The following LGSN variants were observed in gnomAD, a reference collection of about 807,000 sequenced individuals.
LGSN encodes lengsin, lens protein with glutamine synthetase domain, also known as lengsin.
Under a neutral mutation model 19.5 loss-of-function variants are expected in LGSN, and 21 were observed. The ratio of observed to expected loss-of-function variants is 1.07; its 90% CI spans 0.76 to 1.55. LGSN has a LOEUF of 1.55. LGSN is among the 40% of genes most tolerant of loss of function. The pLI, the probability that LGSN is intolerant of heterozygous loss-of-function variation, is 0.00. For missense variants in LGSN, 673 were observed against 608.5 expected (o/e 1.11, Z -1.12); for synonymous variants, 257 against 215.6 (o/e 1.19, Z -1.68).
chr6:63,388,450 G>T, the LGSN span, among the ~76,000 whole-genome samples: 3 of 152,190 alleles, frequency 2.0e-5, no homozygotes, highest in African/African-American at 7.2e-5. Flanking sequence ...AGGTAACTAA[G>T]TTAAAATGAG....
At chr6:63,353,588 C>CAAA in the LGSN span, among the ~76,000 whole-genome samples, 58 of 74,116 alleles carry the variant, frequency 7.8e-4, no homozygotes, top group African/African-American at 1.8e-3. Context: ...CAGTTTGTAG[C>CAAA]AAAAAAAAAA....
the LGSN span, among the ~76,000 whole-genome samples, chr6:63,515,702 A>T: frequency 6.6e-6 from 1 of 152,332 alleles, no homozygotes; most frequent in African/African-American, 2.4e-5. Flanking sequence ...CTAGTCAGGC[A>T]TGAGAATGAT....
At chr6:63,332,910 C>A in the LGSN span, among the ~76,000 whole-genome samples, 6 of 151,924 alleles carry the variant, frequency 3.9e-5, no homozygotes, top group African/African-American at 1.2e-4. Flanking sequence ...AGCCACGGAC[C>A]CTCGCGGTGA....
chr6:63,410,983 G>T, the LGSN span, among the ~76,000 whole-genome samples: 1 of 152,064 alleles, frequency 6.6e-6, no homozygotes, highest in Non-Finnish European at 1.5e-5. Flanking sequence ...CTATTTCTTG[G>T]GGATATTTAG....
chr6:63,490,661 C>T, the LGSN span, among the ~76,000 whole-genome samples: 2 of 152,274 alleles, frequency 1.3e-5, no homozygotes, highest in Middle Eastern at 3.4e-3. Flanking sequence ...ACTGCAACCT[C>T]TGTCTCCCAG....
chr6:63,312,014 C>T (rs1167637271), intron 1 of LGSN, among the ~76,000 whole-genome samples: 1 of 152,170 alleles, frequency 6.6e-6, no homozygotes, highest in African/African-American at 2.4e-5. Flanking sequence ...TGGCTTATTT[C>T]ACTTAACATA....
chr6:63,412,752 AAAGAAAGAAAGAAAGAAAGGAAGG>A, the LGSN span, among the ~76,000 whole-genome samples: 3 of 94,912 alleles, frequency 3.2e-5, no homozygotes, highest in African/African-American at 2.1e-4. Context: ...AGAAAGAAAG[AAAGAAAGAAAGAAAGAAAGGAAGG>A]AAGGGAAGGA....
the LGSN span, among the ~76,000 whole-genome samples, chr6:63,371,656 T>C: frequency 6.6e-6 from 1 of 152,180 alleles, no homozygotes; most frequent in Non-Finnish European, 1.5e-5. Context: ...CATTTACCTA[T>C]AAATGAGAAC....
chr6:63,375,999 A>G, the LGSN span, among the ~76,000 whole-genome samples: 1 of 152,154 alleles, frequency 6.6e-6, no homozygotes, highest in African/African-American at 2.4e-5. Context: ...AATTTTCTTA[A>G]TGTCACAAAT....
the LGSN span, among the ~76,000 whole-genome samples, chr6:63,384,762 C>T: frequency 6.6e-6 from 1 of 152,266 alleles, no homozygotes; most frequent in South Asian, 2.1e-4. Flanking sequence ...CTCAGGTGAT[C>T]CCGCCTCAGC....
At chr6:63,499,290 A>G in the LGSN span, among the ~76,000 whole-genome samples, 1 of 152,116 alleles carries the variant, frequency 6.6e-6, no homozygotes, top group East Asian at 1.9e-4. Flanking sequence ...TAAAAGCTGA[A>G]CAGAGTGCAA....
chr6:63,392,851 T>C, the LGSN span, among the ~76,000 whole-genome samples: 1 of 151,732 alleles, frequency 6.6e-6, no homozygotes, highest in Admixed American at 6.6e-5. Context: ...GTGCCAATCA[T>C]GTTCAAGATG....
At chr6:63,368,212 TA>T in the LGSN span, among the ~76,000 whole-genome samples, 11 of 152,144 alleles carry the variant, frequency 7.2e-5, no homozygotes, top group African/African-American at 2.7e-4. Flanking sequence ...GCTCAGAGAC[TA>T]AAGTGCATCT....
At chr6:63,407,388 T>C in the LGSN span, among the ~76,000 whole-genome samples, 4 of 152,164 alleles carry the variant, frequency 2.6e-5, no homozygotes, top group African/African-American at 4.8e-5. Flanking sequence ...CGCAAATCAA[T>C]AAATATAATC....
chr6:63,363,775 T>C, the LGSN span, among the ~76,000 whole-genome samples: 1 of 152,164 alleles, frequency 6.6e-6, no homozygotes, highest in African/African-American at 2.4e-5. Context: ...GAAAACACTC[T>C]TCAGGGTATT....
chr6:63,298,944 A>G (rs1324105501), intron 1 of LGSN, among the ~76,000 whole-genome samples: 2 of 152,216 alleles, frequency 1.3e-5, no homozygotes, highest in Non-Finnish European at 2.9e-5. Flanking sequence ...TGAATCTGCT[A>G]ATCTTTTGGC....
the LGSN span, among the ~76,000 whole-genome samples, chr6:63,406,711 A>T: frequency 1.3e-5 from 2 of 151,998 alleles, no homozygotes; most frequent in African/African-American, 4.8e-5. Context: ...GACACAAAAA[A>T]CCCTTCAAAA....
rs1467066715 is a variant in LGSN at position 63,294,969 on chromosome 6, G to T, written c.107C>A (p.Thr36Asn). The T allele has an allele frequency of 1.9e-6, 3 of 1,613,780 alleles. No homozygotes were observed. Among genetic ancestry groups the T allele is most frequent in the Non-Finnish European group, 8.5e-7 (1 of 1,179,792 alleles). Residue 36 changes from threonine to asparagine, a missense_variant, in exon 2 of 4, where the codon ACT becomes AAT. Transcript: ENST00000370657. ...NTLRRTRKKV[T>N]KPYVCSTEVG... The stretch of plus-strand genomic sequence containing the variant: ...TTCAGTTGAACAAACATATGGTTTA[G>T]TGACTTTCTTCCTTGTCCTTCTTAA...
the LGSN span, among the ~76,000 whole-genome samples, chr6:63,534,408 G>A: frequency 3.3e-5 from 5 of 151,590 alleles, no homozygotes; most frequent in Non-Finnish European, 5.9e-5. Flanking sequence ...TTTCTCCACT[G>A]AGTGAAGGTA....
Sources: allele counts gnomAD v4.1 joint callset (sites outside exome capture counted in the v4.1 genomes callset), GRCh38; gene constraint gnomAD v4.1.1; transcripts MANE v1.5; gene names NCBI Gene and HGNC (gene_info 2026-07-23, HGNC 2026-07-21).